Variants in AIFM2 observed in about 807,000 individuals in gnomAD.
AIFM2 encodes AIF family member 2, ferroptosis suppressor, also known as ferroptosis suppressor protein 1.
AIFM2 carries 38 observed loss-of-function variants against 35.7 expected under a neutral mutation model. That is an observed-to-expected ratio of 1.06 (90% confidence interval 0.82 to 1.39). AIFM2 has a LOEUF of 1.39. AIFM2 is among the 40% of genes most tolerant of loss of function. The pLI is 0.00. For synonymous variants in AIFM2, 185 were observed against 203.5 expected (o/e 0.91, Z 0.77); for missense variants, 476 against 491.2 (o/e 0.97, Z 0.29).
rs1431133302 is a variant in AIFM2, at chr10:70,131,065, A to C, written c.-14+1669T>G. Among the ~76,000 whole-genome samples the C allele has an allele frequency of 6.6e-6, 1 of 152,232 alleles. No homozygotes were observed. Among genetic ancestry groups the C allele is most frequent in the Non-Finnish European group, 1.5e-5 (1 of 68,048 alleles). On this transcript the variant is annotated intron_variant, in intron 1 of 8. Transcript: ENST00000307864. This position sits in a 1 kb window ranked among gnomAD's most constrained non-coding sequence, Gnocchi z 4.1. Reference sequence around the variant, plus strand: ...CCCATAGGACTACTGAAAAACCAGGAAGTTACATTTATGCCAAAGCTGTTC... The same window carrying C: ...CCCATAGGACTACTGAAAAACCAGGCAGTTACATTTATGCCAAAGCTGTTC...
intron 4 of AIFM2, 59 bp downstream of exon 4, chr10:70,121,033 T>C: frequency 6.4e-7 from 1 of 1,574,446 alleles, no homozygotes; most frequent in Non-Finnish European, 8.6e-7. Flanking sequence ...GGCCTAGGCA[T>C]CCCCAAGGCT....
intron 1 of AIFM2, among the ~76,000 whole-genome samples, chr10:70,126,848 A>G (rs749855546): frequency 2.6e-5 from 4 of 152,220 alleles, no homozygotes; most frequent in Non-Finnish European, 4.4e-5. Flanking sequence ...ATGGTCCCCA[A>G]AGCATTGAGG....
At chr10:70,121,334 A>G in intron 3 of AIFM2, 123 bp from the exon 4 acceptor site, 6 of 1,376,456 alleles carry the variant, frequency 4.4e-6, no homozygotes, top group Non-Finnish European at 4.7e-6. Flanking sequence ...CCAGGCAAAG[A>G]GGCCCCTCTA....
chr10:70,117,763 A>G lies in AIFM2; in HGVS notation c.616+49T>C, dbSNP rs774826559. On this transcript the variant is annotated intron_variant, in intron 6 of 8. Transcript: ENST00000307864. This position sits in a 1 kb window ranked among gnomAD's most constrained non-coding sequence, Gnocchi z 4.7. ...AGCAGTCACCAAGCCTCCAAGCCAC[A>G]TCTCACCAGGCCAGGGCAGGGCAGG... 6.7e-7 allele frequency: 1 copy of G among 1,494,512 alleles called. No individual in the cohort carries two copies. The highest frequency in any genetic ancestry group is 2.0e-5 in the Admixed American group (1 of 48,832). The allele number at this position is 1,494,512 out of a possible 1,614,324, so 92.6% of individuals were successfully genotyped here.
intron 6 of AIFM2, among the ~76,000 whole-genome samples, chr10:70,116,981 C>G (rs548696161): frequency 5.3e-5 from 8 of 152,344 alleles, no homozygotes; most frequent in Non-Finnish European, 1.0e-4. Flanking sequence ...AGGGGTCCCT[C>G]TGGAGAAAAG....
intron 1 of AIFM2, among the ~76,000 whole-genome samples, chr10:70,128,633 G>A (rs1017807456): frequency 6.6e-6 from 1 of 152,212 alleles, no homozygotes; most frequent in African/African-American, 2.4e-5. Context: ...AAAGTGCTGG[G>A]ATTATAGGTG....
chr10:70,121,223 C>CAAAAAAAAAAAAAA lies in AIFM2; in HGVS notation c.295-26_295-13dup, dbSNP rs35599207. 4.5e-6 allele frequency: 3 copies of CAAAAAAAAAAAAAA among 665,228 alleles called. No homozygotes were observed. Among genetic ancestry groups the CAAAAAAAAAAAAAA allele is most frequent in the Admixed American group, 1.8e-4 (1 of 5,664 alleles). The allele number at this position is 665,228 out of a possible 1,614,324, so 41.2% of individuals were successfully genotyped here. A position where few individuals can be genotyped will look rare whatever the true frequency, so the allele number is the denominator to read the frequency against. ...GAGAAGGGCAGGGCCTGAGAGAAACCAAAAAAAAAAAAAAAAAAAAAAAAA... is the reference window on the plus strand; with the variant it reads ...GAGAAGGGCAGGGCCTGAGAGAAACCAAAAAAAAAAAAAAAAAAAAAAAAAAAAAAAAAAAAAAA... On this transcript the variant is annotated splice_polypyrimidine_tract_variant and intron_variant, in intron 3 of 8. Coordinates refer to ENST00000307864, the MANE Select transcript of AIFM2 (RefSeq NM_032797.6).
At chr10:70,132,485 C>T (rs2072636903) in intron 1 of AIFM2, among the ~76,000 whole-genome samples, 1 of 152,200 alleles carries the variant, frequency 6.6e-6, no homozygotes, top group African/African-American at 2.4e-5. Flanking sequence ...AGGGGCCAAA[C>T]CAGGAGGGTG....
At chr10:70,128,268 C>T (rs1251012985) in intron 1 of AIFM2, among the ~76,000 whole-genome samples, 1 of 152,266 alleles carries the variant, frequency 6.6e-6, no homozygotes, top group Non-Finnish European at 1.5e-5. Context: ...TCAATGGAAA[C>T]TGCCACCAAT....
At chr10:70,127,310 G>A (rs1207029226) in intron 1 of AIFM2, among the ~76,000 whole-genome samples, 1 of 152,208 alleles carries the variant, frequency 6.6e-6, no homozygotes, top group Non-Finnish European at 1.5e-5. Flanking sequence ...CCGGGGATAG[G>A]GACAGGGGAG....
rs1390006460 is a variant in AIFM2, at chr10:70,112,616, G to C, written c.*1562C>G. 1.3e-5 allele frequency: 2 copies of C among 152,278 alleles called. No homozygotes were observed. Among genetic ancestry groups the C allele is most frequent in the African/African-American group, 4.8e-5 (2 of 41,464 alleles). The allele number at this position is 152,278 out of a possible 1,614,324, so 9.4% of individuals were successfully genotyped here. On this transcript the variant is annotated 3_prime_UTR_variant, in exon 9 of 9. Transcript: ENST00000307864. ...ATGGCCTGAGAACCCCAGAGAGGCTGGTGTCCCAAGGACTCTGCCCGAGTA... is the reference window on the plus strand; with the variant it reads ...ATGGCCTGAGAACCCCAGAGAGGCTCGTGTCCCAAGGACTCTGCCCGAGTA...
At chr10:70,127,955 C>T (rs906305684) in intron 1 of AIFM2, among the ~76,000 whole-genome samples, 9 of 152,240 alleles carry the variant, frequency 5.9e-5, no homozygotes. Flanking sequence ...CAGTGACTCT[C>T]CAGCAGATTT....
rs189003675 is a variant in AIFM2, at chr10:70,124,137, G to A, written c.-13-40C>T. On this transcript the variant is annotated intron_variant, in intron 1 of 8. Transcript: ENST00000307864. ...GAGGAGAGCATATCAGAGTCAGGGA[G>A]GCTGGGAGGGCTGGGAGGACCCACA... The A allele has an allele frequency of 7.4e-4, 994 of 1,344,642 alleles. 9 individuals carry two copies. In the African/African-American group the frequency reaches 0.014, roughly 18 times the overall value. 83.3% of individuals were successfully genotyped at this position (1,344,642 alleles called of 1,614,324 possible).
intron 2 of AIFM2, 25 bp from the exon 3 acceptor site, chr10:70,123,545 C>A: frequency 6.2e-7 from 1 of 1,604,168 alleles, no homozygotes; most frequent in South Asian, 1.1e-5. Context: ...CAGAAGAGGT[C>A]ATAGGGCAGA....
intron 5 of AIFM2, among the ~76,000 whole-genome samples, chr10:70,119,552 T>G (rs1010118146): frequency 2.6e-5 from 4 of 152,268 alleles, no homozygotes; most frequent in Middle Eastern, 3.4e-3. Context: ...GTGGAGTGAG[T>G]AGGGAGAAAA....
intron 3 of AIFM2, 139 bp downstream of exon 3, chr10:70,123,266 G>T: frequency 1.5e-6 from 1 of 645,774 alleles, no homozygotes; most frequent in South Asian, 2.0e-5. Context: ...TGATCCGCCC[G>T]CCTTGGCCTC....
chr10:70,116,950 T>C (rs1414884382), intron 6 of AIFM2, among the ~76,000 whole-genome samples, 176 bp from the exon 7 acceptor site: 1 of 152,178 alleles, frequency 6.6e-6, no homozygotes, highest in Non-Finnish European at 1.5e-5. Flanking sequence ...CCCACAAAGC[T>C]GATCTGGACA....
At chr10:70,123,104 G>A (rs73273537) in intron 3 of AIFM2, among the ~76,000 whole-genome samples, 5,454 of 152,122 alleles carry the variant, frequency 0.036, 348 homozygotes, top group African/African-American at 0.12. Context: ...CAGCTTACTG[G>A]AACTTCCACC....
At position 70,113,007 on chromosome 10, in the gene AIFM2, C is replaced by T. The variant is rs1465059820; in HGVS notation, c.*1171G>A. On this transcript the variant is annotated 3_prime_UTR_variant, in exon 9 of 9. Coordinates refer to ENST00000307864, the MANE Select transcript of AIFM2 (RefSeq NM_032797.6). The stretch of plus-strand genomic sequence containing the variant: ...ACCTAGAAATATGCTGGGGGTCACC[C>T]GCAGAAACCCCCTCTGCTCGCTAAT... 1 of 152,170 alleles carries T rather than the reference C, an allele frequency of 6.6e-6. No individual in the cohort carries two copies. Among genetic ancestry groups the T allele is most frequent in the Non-Finnish European group, 1.5e-5 (1 of 68,036 alleles). 9.4% of individuals were successfully genotyped at this position (152,170 alleles called of 1,614,324 possible).
Sources: gnomAD v4.1 joint callset for allele counts (sites outside exome capture counted in the v4.1 genomes callset) on GRCh38, gnomAD v4.1.1 for gene constraint, Gnocchi (gnomAD v3.1) non-coding constraint, MANE v1.5 for transcripts, NCBI Gene and HGNC (gene_info 2026-07-23, HGNC 2026-07-21) for gene names.